TPPP: variants seen among roughly 807,000 people sequenced by gnomAD.
TPPP encodes tubulin polymerization-promoting protein.
Under a neutral mutation model 15.5 loss-of-function variants are expected in TPPP, and 6 were observed. The ratio of observed to expected loss-of-function variants is 0.39; its 90% CI spans 0.21 to 0.77. The LOEUF is 0.77. Ranked by LOEUF, TPPP falls within the 30% of genes least tolerant of loss-of-function variation. The pLI is 0.42. For synonymous variants in TPPP, 146 were observed against 133.9 expected (o/e 1.09, Z -0.63); for missense variants, 269 against 307.2 (o/e 0.88, Z 0.93).
chr5:677,068 C>T (rs72707042), intron 2 of TPPP, among the ~76,000 whole-genome samples: 1,897 of 152,080 alleles, frequency 0.012, 17 homozygotes, highest in Non-Finnish European at 0.02. Flanking sequence ...CACAGAAACG[C>T]GCACACGTGC....
intron 1 of TPPP, among the ~76,000 whole-genome samples, chr5:685,517 G>A (rs1189132870): frequency 2.0e-5 from 3 of 152,244 alleles, no homozygotes; most frequent in African/African-American, 4.8e-5. Flanking sequence ...CTCATGGGGT[G>A]GGAGGGGCCC....
chr5:668,462 A>C (rs1740043462), intron 2 of TPPP, among the ~76,000 whole-genome samples: 2 of 151,532 alleles, frequency 1.3e-5, no homozygotes, highest in Admixed American at 6.6e-5. Context: ...AAGCACACGG[A>C]GAGGGGGCCG....
At position 665,432 on chromosome 5, in the gene TPPP, C is replaced by T; in HGVS notation, c.466-136G>A. ...GGGCATAAACCCTGGGATTTATGCC[C>T]CTTTTAATTCTTATTTTTACCTCTC... is the stretch of plus-strand genomic sequence containing the variant. On this transcript the variant is annotated intron_variant, in intron 3 of 3. Coordinates refer to ENST00000360578, the MANE Select transcript of TPPP (RefSeq NM_007030.3). 7.6e-6 allele frequency: 6 copies of T among 786,944 alleles called. No homozygotes were observed. In the South Asian group the frequency reaches 1.1e-4, roughly 14 times the overall value. 48.7% of individuals were successfully genotyped at this position (786,944 alleles called of 1,614,324 possible).
At chr5:686,237 C>T (rs779321289) in intron 1 of TPPP, among the ~76,000 whole-genome samples, 16 of 152,374 alleles carry the variant, frequency 1.1e-4, no homozygotes, top group South Asian at 2.1e-4. Context: ...GGAGACTCGG[C>T]GGCTGCAGAT....
intron 3 of TPPP, 161 bp from the exon 4 acceptor site, chr5:665,457 C>A: frequency 1.4e-6 from 1 of 703,096 alleles, no homozygotes; most frequent in Non-Finnish European, 2.3e-6. Context: ...TTTTACCTCT[C>A]CTGACCCTGG....
intron 3 of TPPP, 141 bp from the exon 4 acceptor site, chr5:665,437 T>TAAA: frequency 1.3e-6 from 1 of 769,214 alleles, no homozygotes; most frequent in South Asian, 1.9e-5. Flanking sequence ...ATGCCCCTTT[T>TAAA]AATTCTTATT....
At chr5:670,566 A>G (rs532378348) in intron 2 of TPPP, among the ~76,000 whole-genome samples, 39 of 151,848 alleles carry the variant, frequency 2.6e-4, no homozygotes, top group Middle Eastern at 3.4e-3. Flanking sequence ...CCACGGGGGG[A>G]GGGGGAGCTT....
At chr5:681,363 G>A (rs566452615) in intron 1 of TPPP, among the ~76,000 whole-genome samples, 105 of 152,238 alleles carry the variant, frequency 6.9e-4, no homozygotes, top group African/African-American at 2.4e-3. Context: ...ATCTCCACGC[G>A]TGTGCCCTGA....
rs1322037893 is a variant in TPPP at position 659,996 on chromosome 5, C to G, written c.*5106G>C. The G allele has an allele frequency of 1.3e-5, 2 of 152,356 alleles. No individual in the cohort carries two copies. The highest frequency in any genetic ancestry group is 2.4e-5 in the African/African-American group (1 of 41,452). The allele number at this position is 152,356 out of a possible 1,614,324, so 9.4% of individuals were successfully genotyped here. On this transcript the variant is annotated 3_prime_UTR_variant, in exon 4 of 4. Transcript: ENST00000360578. ...TTGCAAGCCAGGCTCAACAGCAAGT[C>G]CAACAGGCAACACCACACCTCTCAC...
intron 1 of TPPP, among the ~76,000 whole-genome samples, chr5:678,543 C>T (rs537581410): frequency 1.4e-5 from 2 of 142,032 alleles, no homozygotes; most frequent in Non-Finnish European, 2.9e-5. Context: ...TGCTGCCTTC[C>T]TCTGGGAGGG....
chr5:696,349 C>T (rs535743077), upstream of TPPP, among the ~76,000 whole-genome samples: 105 of 135,380 alleles, frequency 7.8e-4, no homozygotes, highest in African/African-American at 2.7e-3. Context: ...AAAAGGCCTC[C>T]GAGGCCAAGT....
chr5:680,876 C>T (rs111653517), intron 1 of TPPP, among the ~76,000 whole-genome samples: 24 of 152,228 alleles, frequency 1.6e-4, no homozygotes, highest in South Asian at 8.3e-4. Context: ...TTAGGCACGA[C>T]GTGCCGCTGT....
At chr5:673,496 T>TGGCCC (rs1740293488) in intron 2 of TPPP, among the ~76,000 whole-genome samples, 2 of 152,050 alleles carry the variant, frequency 1.3e-5, no homozygotes, top group Non-Finnish European at 2.9e-5. Flanking sequence ...TGGCCTCCCC[T>TGGCCC]CAGGCCGGAG....
At chr5:675,674 C>T (rs1740408483) in intron 2 of TPPP, among the ~76,000 whole-genome samples, 1 of 151,956 alleles carries the variant, frequency 6.6e-6, no homozygotes, top group Non-Finnish European at 1.5e-5. Flanking sequence ...GAGCCCCAGC[C>T]CTTGTTGGGC....
At chr5:669,804 GCCC>G (rs1412958341) in intron 2 of TPPP, among the ~76,000 whole-genome samples, 2 of 151,986 alleles carry the variant, frequency 1.3e-5, no homozygotes, top group Non-Finnish European at 2.9e-5. Context: ...AGACCCGGGT[GCCC>G]CCCGCCTGGG....
At chr5:669,230 G>A (rs927420698) in intron 2 of TPPP, among the ~76,000 whole-genome samples, 16 of 152,266 alleles carry the variant, frequency 1.1e-4, no homozygotes, top group African/African-American at 2.9e-4. Context: ...CAGACCCGCC[G>A]GCCATAGGGC....
chr5:663,725 G>T lies in TPPP; in HGVS notation c.*1377C>A, dbSNP rs777638703. 1 of 152,420 alleles carries T rather than the reference G, an allele frequency of 6.6e-6. No homozygotes were observed. Among genetic ancestry groups the T allele is most frequent in the African/African-American group, 2.4e-5 (1 of 41,474 alleles). 9.4% of individuals were successfully genotyped at this position (152,420 alleles called of 1,614,324 possible). A position where few individuals can be genotyped will look rare whatever the true frequency, so the allele number is the denominator to read the frequency against. ...CCTGGGCAGCCCTCTGCCCTGGCCAGAGCCTGACCGTAGCCACGGGCTAAC... is the reference window on the plus strand; with the variant it reads ...CCTGGGCAGCCCTCTGCCCTGGCCATAGCCTGACCGTAGCCACGGGCTAAC... On this transcript the variant is annotated 3_prime_UTR_variant, in exon 4 of 4. Coordinates refer to ENST00000360578, the MANE Select transcript of TPPP (RefSeq NM_007030.3).
intron 1 of TPPP, among the ~76,000 whole-genome samples, chr5:678,625 G>T: frequency 7.4e-6 from 1 of 135,696 alleles, no homozygotes; most frequent in Admixed American, 6.7e-5. Flanking sequence ...GCTTTAGGCT[G>T]GGGAGGGTGC....
intron 1 of TPPP, among the ~76,000 whole-genome samples, chr5:681,405 CTGTGCCCACCATCCCACA>C (rs1057425654): frequency 2.0e-5 from 3 of 152,194 alleles, no homozygotes; most frequent in African/African-American, 7.2e-5. Flanking sequence ...ACTCCCAGGC[CTGTGCCCACCATCCCACA>C]TGTGCCCAGC....
Sources: gnomAD v4.1 joint callset for allele counts (sites outside exome capture counted in the v4.1 genomes callset) on GRCh38, gnomAD v4.1.1 for gene constraint, MANE v1.5 for transcripts, NCBI Gene and HGNC (gene_info 2026-07-23, HGNC 2026-07-21) for gene names.